MECOM: variants seen among roughly 807,000 people sequenced by gnomAD.
MECOM encodes the protein MDS1 and EVI1 complex locus.
In MECOM, 13 loss-of-function variants were observed where a neutral mutation model predicts 116.3. The ratio of observed to expected loss-of-function variants is 0.11; its 90% CI spans 0.07 to 0.18. MECOM has a LOEUF of 0.18. MECOM is among the 10% of genes least tolerant of loss of function. MECOM has a pLI of 1.00. For synonymous variants in MECOM, 528 were observed against 535.2 expected, an observed-to-expected ratio of 0.99 and a Z score of 0.19; for missense variants, 1,299 against 1,509.0, an observed-to-expected ratio of 0.86 and a Z score of 2.31.
intron 2 of MECOM, among the ~76,000 whole-genome samples, chr3:169,206,322 T>G (rs1749910402): frequency 6.6e-6 from 1 of 152,180 alleles, no homozygotes; most frequent in Non-Finnish European, 1.5e-5. Flanking sequence ...CAATTATGAC[T>G]TCAGTGACTC....
rs1443761747 is a variant in MECOM, at chr3:169,378,509, GAA to G, written c.375+2676_375+2677del. Reference sequence around the variant, plus strand: ...AGAGAGAAAGAAAGAAAGAAAGAAAGAAAGAAAAGAAAGAAAGAAAGAAAGAA... The same window carrying G: ...AGAGAGAAAGAAAGAAAGAAAGAAAGAGAAAAGAAAGAAAGAAAGAAAGAA... On this transcript the variant is annotated intron_variant, in intron 2 of 16. Transcript: ENST00000651503. Among the ~76,000 whole-genome samples the G allele has an allele frequency of 4.3e-4, 12 of 28,062 alleles. 1 individual carries two copies. The highest frequency in any genetic ancestry group is 1.8e-3 in the African/African-American group (8 of 4,546). 18.4% of individuals were successfully genotyped at this position (28,062 alleles called of 152,430 possible).
intron 2 of MECOM, among the ~76,000 whole-genome samples, chr3:169,175,598 C>A (rs1745041150): frequency 6.6e-6 from 1 of 152,174 alleles, no homozygotes; most frequent in African/African-American, 2.4e-5. Context: ...AATGGACACT[C>A]AACCTGTATT....
intron 1 of MECOM, among the ~76,000 whole-genome samples, chr3:169,383,570 T>G (rs1284197580): frequency 6.6e-6 from 1 of 152,214 alleles, no homozygotes; most frequent in Admixed American, 6.5e-5. Context: ...AATCCACATT[T>G]TCACACCTAA....
At chr3:169,399,617 A>T (rs1735552972) in intron 1 of MECOM, among the ~76,000 whole-genome samples, 1 of 152,354 alleles carries the variant, frequency 6.6e-6, no homozygotes, top group South Asian at 2.1e-4. Flanking sequence ...GCTTTTGATA[A>T]ATAAACCAGA....
At chr3:169,636,691 A>T (rs2110002280) in intron 1 of MECOM, among the ~76,000 whole-genome samples, 1 of 152,322 alleles carries the variant, frequency 6.6e-6, no homozygotes, top group East Asian at 1.9e-4. Flanking sequence ...GCAGACTAGG[A>T]AGAGTTAAGA....
chr3:169,143,965 A>G, intron 2 of MECOM, 133 bp from the exon 3 acceptor site: 1 of 1,009,430 alleles, frequency 9.9e-7, no homozygotes, highest in South Asian at 2.7e-5. Context: ...TCACAAGCAC[A>G]TTAATAGAGG....
At chr3:169,256,911 A>G (rs1011261869) in intron 2 of MECOM, among the ~76,000 whole-genome samples, 7 of 152,194 alleles carry the variant, frequency 4.6e-5, no homozygotes, top group Non-Finnish European at 1.0e-4. Flanking sequence ...CTAACTTCCG[A>G]GAGGGCAAGA....
chr3:169,128,914 C>A (rs183860114), intron 4 of MECOM, among the ~76,000 whole-genome samples: 1 of 152,084 alleles, frequency 6.6e-6, no homozygotes, highest in Non-Finnish European at 1.5e-5. Flanking sequence ...AGCCACACTC[C>A]GCACAGATCA....
At chr3:169,524,039 A>AATATATATATATAT (rs10575336) in intron 1 of MECOM, among the ~76,000 whole-genome samples, 9 of 138,240 alleles carry the variant, frequency 6.5e-5, no homozygotes, top group South Asian at 4.6e-4. Flanking sequence ...TATATGAATA[A>AATATATATATATAT]ATATATATAT....
chr3:169,243,729 G>A (rs572352333), intron 2 of MECOM, among the ~76,000 whole-genome samples: 1 of 152,132 alleles, frequency 6.6e-6, no homozygotes, highest in South Asian at 2.1e-4. Flanking sequence ...GAAAGAATGG[G>A]CAGAGGGAGA....
chr3:169,352,396 G>A (rs2149808328), intron 2 of MECOM, among the ~76,000 whole-genome samples: 1 of 151,876 alleles, frequency 6.6e-6, no homozygotes, highest in Non-Finnish European at 1.5e-5. Flanking sequence ...TATTAAAGGA[G>A]CTATCTCAGT....
intron 2 of MECOM, among the ~76,000 whole-genome samples, chr3:169,304,119 T>C (rs1389981680): frequency 6.6e-6 from 1 of 152,256 alleles, no homozygotes; most frequent in African/African-American, 2.4e-5. Flanking sequence ...TCACTTCCAA[T>C]GAATCAATTG....
chr3:169,426,033 T>C (rs1740615464), intron 1 of MECOM, among the ~76,000 whole-genome samples: 1 of 152,188 alleles, frequency 6.6e-6, no homozygotes, highest in Admixed American at 6.5e-5. Context: ...CTTTGCTATG[T>C]TTTGTATTTT....
At chr3:169,601,247 C>A (rs1767798404) in intron 1 of MECOM, among the ~76,000 whole-genome samples, 1 of 152,192 alleles carries the variant, frequency 6.6e-6, no homozygotes, top group Non-Finnish European at 1.5e-5. Flanking sequence ...CAGGGCAAAT[C>A]TCAGCAAGGA....
chr3:169,373,072 G>C (rs758778732), intron 2 of MECOM, among the ~76,000 whole-genome samples: 3 of 151,962 alleles, frequency 2.0e-5, no homozygotes, highest in Admixed American at 6.6e-5. Context: ...TAACTCTAAA[G>C]TTCATAACCT....
rs536285467 is a variant in MECOM at position 169,370,192 on chromosome 3, G to A, written c.375+10995C>T. 2.6e-3 allele frequency among the ~76,000 whole-genome samples: 388 copies of A among 152,014 alleles called. 2 individuals are homozygous for A. The highest frequency in any genetic ancestry group is 8.6e-3 in the African/African-American group (357 of 41,492). ...AACATACACATAGACTGATGGAACC[G>A]AATAGAAAGCCGAGAAACAAAGCCA... On this transcript the variant is annotated intron_variant, in intron 2 of 16. Transcript: ENST00000651503.
chr3:169,285,846 TG>T (rs1487894477), intron 2 of MECOM, among the ~76,000 whole-genome samples: 19 of 152,004 alleles, frequency 1.2e-4, no homozygotes, highest in Non-Finnish European at 2.9e-5. Flanking sequence ...ATCAGTAACA[TG>T]TTTGCTTCAG....
intron 1 of MECOM, among the ~76,000 whole-genome samples, chr3:169,530,622 G>A (rs1478233499): frequency 1.3e-5 from 2 of 152,082 alleles, no homozygotes; most frequent in Non-Finnish European, 2.9e-5. Flanking sequence ...GCCGCACTGG[G>A]GTGTCAGCAG....
intron 1 of MECOM, among the ~76,000 whole-genome samples, chr3:169,466,083 A>G (rs1336428219): frequency 6.6e-6 from 1 of 152,180 alleles, no homozygotes; most frequent in Non-Finnish European, 1.5e-5. Context: ...AACACTTGAG[A>G]TATAACATTT....
Sources: allele counts gnomAD v4.1 joint callset (sites outside exome capture counted in the v4.1 genomes callset), GRCh38; gene constraint gnomAD v4.1.1; transcripts MANE v1.5; gene names NCBI Gene and HGNC (gene_info 2026-07-23, HGNC 2026-07-21).